MCPH1: variants seen among roughly 807,000 people sequenced by gnomAD.
The protein encoded by MCPH1 is microcephalin.
Under a neutral mutation model 84.5 loss-of-function variants are expected in MCPH1, and 104 were observed. The ratio of observed to expected loss-of-function variants is 1.23; its 90% CI spans 1.05 to 1.45. The LOEUF is 1.45. Ranked by LOEUF, MCPH1 falls within the 40% of genes most tolerant of loss-of-function variation. MCPH1 has a pLI of 0.00. For synonymous variants in MCPH1, 514 were observed against 366.8 expected, an observed-to-expected ratio of 1.40 and a Z score of -4.58; for missense variants, 1,498 against 1,005.7, an observed-to-expected ratio of 1.49 and a Z score of -6.62.
chr8:6,626,330 G>C, intron 13 of MCPH1: 1 of 985,264 alleles, frequency 1.0e-6, no homozygotes, highest in Non-Finnish European at 1.2e-6. Flanking sequence ...CTAATAACGG[G>C]GTTATCGGAA....
rs960389252 is a variant in MCPH1, at chr8:6,442,064, T to C, written c.581-3T>C. On this transcript the variant is annotated splice_polypyrimidine_tract_variant and splice_region_variant and intron_variant, in intron 6 of 13. Coordinates refer to ENST00000344683, the MANE Select transcript of MCPH1 (RefSeq NM_024596.5). ...TAATGCAGTGTCTTGGTCCTGTTTT[T>C]AGCTTCCCAAATGATTCAGCAGTCT... 1 of 1,609,602 alleles carries C rather than the reference T, an allele frequency of 6.2e-7. No homozygotes were observed. Among genetic ancestry groups the C allele is most frequent in the African/African-American group, 1.3e-5 (1 of 74,970 alleles).
At chr8:6,626,516 G>A (rs1484481727) in intron 13 of MCPH1, 69 of 976,218 alleles carry the variant, frequency 7.1e-5, no homozygotes, top group Non-Finnish European at 7.7e-5. Flanking sequence ...CACACTTGTG[G>A]GTGGTTGAAC....
chr8:6,485,550 T>A (rs543192855), intron 11 of MCPH1, among the ~76,000 whole-genome samples: 1 of 152,214 alleles, frequency 6.6e-6, no homozygotes, highest in African/African-American at 2.4e-5. Context: ...GAAAAGAATT[T>A]AAAAACATAA....
rs114657343 is a variant in MCPH1 at position 6,484,338 on chromosome 8, T to C, written c.2136+3462T>C. Among the ~76,000 whole-genome samples the C allele has an allele frequency of 3.7e-3, 566 of 152,298 alleles. 5 individuals carry two copies. The highest frequency in any genetic ancestry group is 0.013 in the African/African-American group (521 of 41,574). ...ATCATTATTGCTCACTTCAGAAATA[T>C]AGTGAGATCCACTACATATCCATTA... On this transcript the variant is annotated intron_variant, in intron 11 of 13. Transcript: ENST00000344683.
At chr8:6,587,222 C>T (rs1248527639) in intron 12 of MCPH1, among the ~76,000 whole-genome samples, 1 of 152,160 alleles carries the variant, frequency 6.6e-6, no homozygotes, top group African/African-American at 2.4e-5. Flanking sequence ...AAATGACTCA[C>T]TGAAGTCTGG....
chr8:6,598,916 C>G (rs964668589), intron 12 of MCPH1, among the ~76,000 whole-genome samples: 2 of 152,268 alleles, frequency 1.3e-5, no homozygotes, highest in African/African-American at 2.4e-5. Context: ...CGTGAAAACA[C>G]ATGTGTGCAC....
At chr8:6,528,552 C>G (rs533921135) in intron 12 of MCPH1, among the ~76,000 whole-genome samples, 2 of 152,202 alleles carry the variant, frequency 1.3e-5, no homozygotes, top group Non-Finnish European at 2.9e-5. Flanking sequence ...CAATCGAAGC[C>G]GTATAGCGTG....
In MCPH1 at chr8:6,645,968, A is replaced by G. The variant is rs910812521; in HGVS notation, c.*2919A>G. Reference sequence around the variant, plus strand: ...TCAAATTGACGTATAGATTCAATGCAATCCATTAAAATCTCAGATGGCTTT... The same window carrying G: ...TCAAATTGACGTATAGATTCAATGCGATCCATTAAAATCTCAGATGGCTTT... On this transcript the variant is annotated 3_prime_UTR_variant, in exon 14 of 14. Transcript: ENST00000344683. The G allele has an allele frequency of 5.3e-5, 8 of 152,244 alleles. No individual in the cohort carries two copies. Among genetic ancestry groups the G allele is most frequent in the African/African-American group, 1.9e-4 (8 of 41,462 alleles). The allele number at this position is 152,244 out of a possible 1,614,324, so 9.4% of individuals were successfully genotyped here.
At chr8:6,637,159 C>G (rs1586893253) in intron 13 of MCPH1, among the ~76,000 whole-genome samples, 1 of 152,214 alleles carries the variant, frequency 6.6e-6, no homozygotes, top group Admixed American at 6.5e-5. Flanking sequence ...ATATCCTAGG[C>G]ACTGCAGGTA....
At chr8:6,641,614 C>G (rs1384458543) in intron 13 of MCPH1, among the ~76,000 whole-genome samples, 1 of 152,256 alleles carries the variant, frequency 6.6e-6, no homozygotes, top group Admixed American at 6.5e-5. Context: ...TGTGGTGGTG[C>G]ATACCTGTAG....
intron 4 of MCPH1, among the ~76,000 whole-genome samples, chr8:6,432,822 T>C (rs548613364): frequency 6.6e-6 from 1 of 152,386 alleles, no homozygotes; most frequent in South Asian, 2.1e-4. Flanking sequence ...CAGCAGTCTC[T>C]GGACTCCCTG....
At chr8:6,504,313 A>G (rs1367688128) in intron 12 of MCPH1, among the ~76,000 whole-genome samples, 11 of 78,352 alleles carry the variant, frequency 1.4e-4, no homozygotes, top group Non-Finnish European at 1.9e-4. Context: ...GTGAGACTCC[A>G]GCTCAAAAAA....
At chr8:6,458,840 T>A (rs909047306) in intron 9 of MCPH1, among the ~76,000 whole-genome samples, 10 of 152,128 alleles carry the variant, frequency 6.6e-5, no homozygotes, top group Non-Finnish European at 1.3e-4. Context: ...GAGATGGGGT[T>A]TCACCATGTT....
intron 3 of MCPH1, among the ~76,000 whole-genome samples, chr8:6,426,328 C>T (rs1391319949): frequency 6.6e-6 from 1 of 152,178 alleles, no homozygotes; most frequent in African/African-American, 2.4e-5. Flanking sequence ...CCTTCGTGTC[C>T]ATTTGCTGTC....
intron 2 of MCPH1, among the ~76,000 whole-genome samples, chr8:6,410,696 G>C (rs961515019): frequency 1.3e-5 from 2 of 152,168 alleles, no homozygotes; most frequent in Non-Finnish European, 2.9e-5. Context: ...AGGCAGAAGA[G>C]TACTCACATC....
At chr8:6,536,652 C>T (rs1820553853) in intron 12 of MCPH1, among the ~76,000 whole-genome samples, 1 of 152,018 alleles carries the variant, frequency 6.6e-6, no homozygotes, top group Non-Finnish European at 1.5e-5. Flanking sequence ...TATGGATGTC[C>T]ATCATATAGT....
At chr8:6,636,643 A>C (rs916231268) in intron 13 of MCPH1, among the ~76,000 whole-genome samples, 13 of 152,178 alleles carry the variant, frequency 8.5e-5, no homozygotes, top group African/African-American at 3.1e-4. Context: ...GCACCTGGCA[A>C]TCACACCAGT....
chr8:6,646,952 T>C lies in MCPH1; in HGVS notation c.*3903T>C, dbSNP rs2129584464. On this transcript the variant is annotated 3_prime_UTR_variant, in exon 14 of 14. Transcript: ENST00000344683. ...GGCATAATTCATTAAAAAAATAAGT[T>C]GGGCTTTGTCAAAATTTTAAGTTTT... The C allele has an allele frequency of 1.3e-5, 2 of 152,132 alleles. No homozygotes were observed. Among genetic ancestry groups the C allele is most frequent in the East Asian group, 3.9e-4 (2 of 5,186 alleles). The allele number at this position is 152,132 out of a possible 1,614,324, so 9.4% of individuals were successfully genotyped here. A position where few individuals can be genotyped will look rare whatever the true frequency, so the allele number is the denominator to read the frequency against.
At chr8:6,521,432 A>G (rs1251725217) in intron 12 of MCPH1, 4 of 1,504,780 alleles carry the variant, frequency 2.7e-6, no homozygotes, top group South Asian at 1.2e-5. Flanking sequence ...AAGAATTGTT[A>G]GTTAGTGAAG....
Sources: gnomAD v4.1 joint callset for allele counts (sites outside exome capture counted in the v4.1 genomes callset) on GRCh38, gnomAD v4.1.1 for gene constraint, MANE v1.5 for transcripts, NCBI Gene and HGNC (gene_info 2026-07-23, HGNC 2026-07-21) for gene names.